SPAG17: variants seen among roughly 807,000 people sequenced by gnomAD.
SPAG17 encodes the protein sperm associated antigen 17.
Under a neutral mutation model 273.6 loss-of-function variants are expected in SPAG17, and 169 were observed. The ratio of observed to expected loss-of-function variants is 0.62; its 90% CI spans 0.55 to 0.70. The LOEUF (loss-of-function observed/expected upper bound fraction) is 0.70. Ranked by LOEUF, SPAG17 falls within the 30% of genes least tolerant of loss-of-function variation. SPAG17 has a pLI of 0.00. For synonymous variants in SPAG17, 825 were observed against 873.2 expected (o/e 0.94, Z 0.97); for missense variants, 2,557 against 2,627.8 (o/e 0.97, Z 0.59).
In SPAG17 at chr1:118,064,772, A is replaced by G. The variant is rs1042460808; in HGVS notation, c.2540+1973T>C. On this transcript the variant is annotated intron_variant, in intron 18 of 48. Coordinates refer to ENST00000336338, the MANE Select transcript of SPAG17 (RefSeq NM_206996.4). ...TTAAAAATAAAATAAAATAAAATAAAAAAAGAAAGATAATAAAAATACTAT... is the reference window on the plus strand; with the variant it reads ...TTAAAAATAAAATAAAATAAAATAAGAAAAGAAAGATAATAAAAATACTAT... Among the ~76,000 whole-genome samples, 14 of 151,532 alleles carry G rather than the reference A, an allele frequency of 9.2e-5. 1 individual carries two copies. In the East Asian group the frequency reaches 1.5e-3, roughly 17 times the overall value.
In SPAG17 at chr1:118,185,087, G is replaced by C; in HGVS notation, c.71C>G (p.Ala24Gly). 6.2e-7 allele frequency: 1 copy of C among 1,614,110 alleles called. No individual in the cohort carries two copies. The highest frequency in any genetic ancestry group is 8.5e-7 in the Non-Finnish European group (1 of 1,179,938). ...AAGGCTCACCTGATTGAACTGTGCA[G>C]CTATGAGCGAGGGTTCCCATATCTT... ...SSKIWEPSLI[A>G]AQFNQNDWQA... Residue 24 changes from alanine (A) to glycine (G), a missense_variant, in exon 1 of 49, where the codon GCT becomes GGT. By Grantham distance (60) the Ala-to-Gly change is moderately conservative. Coordinates refer to ENST00000336338, the MANE Select transcript of SPAG17 (RefSeq NM_206996.4).
chr1:118,061,663 A>G (rs530371486), intron 18 of SPAG17, among the ~76,000 whole-genome samples: 1 of 152,316 alleles, frequency 6.6e-6, no homozygotes, highest in East Asian at 1.9e-4. Context: ...ACATGAGGAC[A>G]TTTTTTTAAC....
At chr1:117,981,453 A>T in intron 42 of SPAG17, 52 bp from the exon 43 acceptor site, 1 of 1,520,822 alleles carries the variant, frequency 6.6e-7, no homozygotes, top group Non-Finnish European at 8.8e-7. Flanking sequence ...AAATGATATA[A>T]TGACTACTAA....
rs141414354 is a variant in SPAG17, at chr1:118,024,350, C to T, written c.3910-887G>A. Among the ~76,000 whole-genome samples the T allele has an allele frequency of 2.1e-3, 322 of 152,142 alleles. 4 individuals are homozygous for T. Among genetic ancestry groups the T allele is most frequent in the African/African-American group, 7.5e-3 (310 of 41,520 alleles). On this transcript the variant is annotated intron_variant, in intron 27 of 48. Coordinates refer to ENST00000336338, the MANE Select transcript of SPAG17 (RefSeq NM_206996.4). Reference sequence around the variant, plus strand: ...CACAATTATTTCTAATTTCTAAGAACTCTTGATATTTTTCCTTAGCGACTT... The same window carrying T: ...CACAATTATTTCTAATTTCTAAGAATTCTTGATATTTTTCCTTAGCGACTT...
In SPAG17 at chr1:118,086,781, G is replaced by A; in HGVS notation, c.1501C>T (p.Leu501Phe). ...LCLSEREKKN[L>F]HDIFLSEEEN... Reference sequence around the variant, plus strand: ...TCTTCAGATAAAAATATGTCATGAAGATTCTATGCAAATTGAAACAATATT... The same window carrying A: ...TCTTCAGATAAAAATATGTCATGAAAATTCTATGCAAATTGAAACAATATT... Residue 501 changes from leucine (L) to phenylalanine (F), a missense_variant, in exon 12 of 49, where the codon CTT becomes TTT. Transcript: ENST00000336338. 6.2e-7 allele frequency: 1 copy of A among 1,614,082 alleles called. No homozygotes were observed. Among genetic ancestry groups the A allele is most frequent in the Admixed American group, 1.7e-5 (1 of 59,988 alleles).
At chr1:117,989,192 T>C (rs1023678142) in intron 38 of SPAG17, among the ~76,000 whole-genome samples, 16 of 152,314 alleles carry the variant, frequency 1.1e-4, no homozygotes, top group African/African-American at 3.8e-4. Flanking sequence ...TGTCTCAGCC[T>C]GCTTTGTGTT....
intron 3 of SPAG17, among the ~76,000 whole-genome samples, chr1:118,137,968 A>G (rs1017015895): frequency 3.7e-4 from 56 of 152,314 alleles, no homozygotes; most frequent in Non-Finnish European, 2.2e-4. Context: ...CCATATTTCA[A>G]TTGCAACTGT....
chr1:118,052,391 G>A (rs1473109296), intron 20 of SPAG17, among the ~76,000 whole-genome samples: 2 of 151,614 alleles, frequency 1.3e-5, no homozygotes, highest in African/African-American at 4.8e-5. Context: ...GTTACCAGGG[G>A]CTGCAGGAAA....
chr1:118,173,118 C>T (rs1275199258), intron 1 of SPAG17, among the ~76,000 whole-genome samples: 1 of 151,818 alleles, frequency 6.6e-6, no homozygotes, highest in African/African-American at 2.4e-5. Context: ...TCCAGTCCCT[C>T]TTTGCCCACC....
chr1:118,039,818 G>A (rs1001765856), intron 22 of SPAG17, among the ~76,000 whole-genome samples: 4 of 152,078 alleles, frequency 2.6e-5, no homozygotes, highest in African/African-American at 9.7e-5. Flanking sequence ...ATAAAACCAG[G>A]GAGAGGAAAT....
intron 1 of SPAG17, among the ~76,000 whole-genome samples, chr1:118,161,696 T>C (rs950308244): frequency 6.6e-6 from 1 of 152,032 alleles, no homozygotes. Context: ...CGCCCCCACC[T>C]GGCTAATTTT....
intron 28 of SPAG17, among the ~76,000 whole-genome samples, chr1:118,021,341 T>C (rs1412185240): frequency 1.3e-5 from 2 of 152,154 alleles, no homozygotes; most frequent in African/African-American, 4.8e-5. Context: ...TATGACATTC[T>C]GGAAAAGGTA....
Position 118,019,300 on chromosome 1 carries a change from A to T in SPAG17, c.4070-3118T>A, listed in dbSNP as rs746796406. On this transcript the variant is annotated intron_variant, in intron 28 of 48. Coordinates refer to ENST00000336338, the MANE Select transcript of SPAG17 (RefSeq NM_206996.4). ...AAAAATATGACTAAAAAGAAGACAG[A>T]TTATAAAACAAAACAAAGAAGTGTT... Among the ~76,000 whole-genome samples the T allele has an allele frequency of 3.3e-5, 5 of 152,214 alleles. No individual in the cohort carries two copies. In the South Asian group the frequency reaches 1.0e-3, roughly 32 times the overall value.
chr1:118,025,641 C>T lies in SPAG17; in HGVS notation c.3731-225G>A, dbSNP rs559180216. Among the ~76,000 whole-genome samples the T allele has an allele frequency of 5.3e-5, 8 of 152,166 alleles. No homozygotes were observed. In the East Asian group the frequency reaches 1.2e-3, roughly 22 times the overall value. ...GAGCAGCTGGGACTACAGGCTTGCA[C>T]CACAACACCCTGTTAAGTTTTTCTA... On this transcript the variant is annotated intron_variant, in intron 26 of 48. Coordinates refer to ENST00000336338, the MANE Select transcript of SPAG17 (RefSeq NM_206996.4).
intron 43 of SPAG17, among the ~76,000 whole-genome samples, chr1:117,976,519 G>A (rs1464202343): frequency 6.6e-6 from 1 of 152,218 alleles, no homozygotes; most frequent in Non-Finnish European, 1.5e-5. Context: ...GTGGATGGCA[G>A]TGTGTGCCAG....
chr1:118,041,923 C>T lies in SPAG17; in HGVS notation c.2934G>A (p.Glu978=), dbSNP rs2101931638. 2 of 1,613,886 alleles carry T rather than the reference C, an allele frequency of 1.2e-6. No individual in the cohort carries two copies. Among genetic ancestry groups the T allele is most frequent in the Non-Finnish European group, 1.7e-6 (2 of 1,179,878 alleles). The change falls in exon 21 of 49, where the codon GAG becomes GAA. Residue 978 remains glutamate (E), a synonymous_variant. Transcript: ENST00000336338. ...ATTTTTTCTTCAAAGACCTACTATC[C>T]TCTTTCTCTGCGTTATCCTTGCCTT... ...KKKGKDNAEK[E]DSRSLKKKSP...
At chr1:118,170,664 G>A (rs1283082943) in intron 1 of SPAG17, among the ~76,000 whole-genome samples, 1 of 152,152 alleles carries the variant, frequency 6.6e-6, no homozygotes, top group East Asian at 1.9e-4. Context: ...CTGACAAAAG[G>A]AGAATAAATC....
At chr1:118,018,629 T>G (rs1049339304) in intron 28 of SPAG17, among the ~76,000 whole-genome samples, 2 of 151,574 alleles carry the variant, frequency 1.3e-5, no homozygotes, top group Non-Finnish European at 2.9e-5. Flanking sequence ...GCCCAAGAGT[T>G]TGAGACTAGC....
intron 3 of SPAG17, among the ~76,000 whole-genome samples, chr1:118,125,503 A>G (rs1657668483): frequency 6.6e-6 from 1 of 152,124 alleles, no homozygotes; most frequent in African/African-American, 2.4e-5. Context: ...TTTTGTATCC[A>G]TGAACCAACC....
Sources: gnomAD v4.1 joint callset for allele counts (sites outside exome capture counted in the v4.1 genomes callset) on GRCh38, gnomAD v4.1.1 for gene constraint, MANE v1.5 for transcripts, NCBI Gene and HGNC (gene_info 2026-07-23, HGNC 2026-07-21) for gene names.